Variants in RBFOX3 observed in about 807,000 individuals in gnomAD.
The protein encoded by RBFOX3 is RNA binding fox-1 homolog 3.
Under a neutral mutation model 48.7 loss-of-function variants are expected in RBFOX3, and 17 were observed. The ratio of observed to expected loss-of-function variants is 0.35; its 90% CI spans 0.24 to 0.52. The LOEUF (loss-of-function observed/expected upper bound fraction) is 0.52. Ranked by LOEUF, RBFOX3 falls within the 20% of genes least tolerant of loss-of-function variation. The pLI, the probability that RBFOX3 is intolerant of heterozygous loss-of-function variation, is 0.94. For missense variants in RBFOX3, 382 were observed against 497.5 expected (o/e 0.77, Z 2.21); for synonymous variants, 212 against 209.5 (o/e 1.01, Z -0.10).
chr17:79,542,226 C>T (rs1555790564), intron 1 of RBFOX3, among the ~76,000 whole-genome samples: 1 of 152,128 alleles, frequency 6.6e-6, no homozygotes, highest in Non-Finnish European at 1.5e-5. Context: ...GGGGCAGACT[C>T]GAATTCAGAC....
chr17:79,331,451 CA>C (rs1304024446), intron 2 of RBFOX3, among the ~76,000 whole-genome samples: 3 of 152,328 alleles, frequency 2.0e-5, no homozygotes, highest in Non-Finnish European at 4.4e-5. Flanking sequence ...AGACCCACCC[CA>C]AGCTGAACCT....
At chr17:79,193,756 G>A (rs890420665) in intron 4 of RBFOX3, among the ~76,000 whole-genome samples, 9 of 152,224 alleles carry the variant, frequency 5.9e-5, no homozygotes, top group African/African-American at 2.2e-4. Flanking sequence ...AAATGCTGTG[G>A]AGAGGGTCAA....
chr17:79,311,848 G>A lies in RBFOX3; in HGVS notation c.-174-4024C>T, dbSNP rs1056235934. ...GCCCAAAGCCTCATGTCTGCTTGGG[G>A]GCAAGGACAGCATTCTCACGAACCT... On this transcript the variant is annotated intron_variant, in intron 2 of 14. Coordinates refer to ENST00000693108, the MANE Select transcript of RBFOX3 (RefSeq NM_001350451.2). The surrounding 1 kb of genome is among the most constrained non-coding windows in gnomAD (Gnocchi z 4.2). Among the ~76,000 whole-genome samples, 3 of 152,076 alleles carry A rather than the reference G, an allele frequency of 2.0e-5. No homozygotes were observed. The highest frequency in any genetic ancestry group is 7.2e-5 in the African/African-American group (3 of 41,408).
chr17:79,592,587 G>C (rs1033024038), intron 1 of RBFOX3, among the ~76,000 whole-genome samples: 28 of 152,164 alleles, frequency 1.8e-4, no homozygotes, highest in African/African-American at 5.5e-4. Flanking sequence ...CCCTGGGAAG[G>C]CTGGGGCAGG....
chr17:79,339,550 C>T (rs989180577), intron 2 of RBFOX3, among the ~76,000 whole-genome samples: 10 of 152,204 alleles, frequency 6.6e-5, no homozygotes, highest in African/African-American at 1.4e-4. Context: ...TTCCTTAAAA[C>T]ACAGACTGCT....
At chr17:79,496,678 C>G (rs2081584787) in intron 1 of RBFOX3, among the ~76,000 whole-genome samples, 1 of 152,126 alleles carries the variant, frequency 6.6e-6, no homozygotes, top group Non-Finnish European at 1.5e-5. Flanking sequence ...CAACAGCATA[C>G]AGAATTTCCT....
At chr17:79,200,804 C>A (rs979445085) in intron 4 of RBFOX3, among the ~76,000 whole-genome samples, 1 of 152,086 alleles carries the variant, frequency 6.6e-6, no homozygotes, top group African/African-American at 2.4e-5. Flanking sequence ...GACCCCTGGT[C>A]CCCCCTACCT....
Position 79,089,590 on chromosome 17 carries a change from T to C in RBFOX3, c.*1293A>G, listed in dbSNP as rs926108623. The stretch of plus-strand genomic sequence containing the variant: ...GGCGTGGGGCTATGTACAACGGGAA[T>C]AGAAAAGGAGAATTCCATTTCAATA... On this transcript the variant is annotated 3_prime_UTR_variant, in exon 15 of 15. Coordinates refer to ENST00000693108, the MANE Select transcript of RBFOX3 (RefSeq NM_001350451.2). The C allele has an allele frequency of 1.3e-5, 2 of 152,552 alleles. No homozygotes were observed. Among genetic ancestry groups the C allele is most frequent in the Admixed American group, 1.3e-4 (2 of 15,282 alleles). 9.4% of individuals were successfully genotyped at this position (152,552 alleles called of 1,614,324 possible). A position where few individuals can be genotyped will look rare whatever the true frequency, so the allele number is the denominator to read the frequency against.
intron 1 of RBFOX3, among the ~76,000 whole-genome samples, chr17:79,594,381 C>T (rs1184096506): frequency 6.6e-6 from 1 of 152,128 alleles, no homozygotes; most frequent in African/African-American, 2.4e-5. Flanking sequence ...CTGGAGGCAC[C>T]CAGGCCATAG....
chr17:79,607,549 G>A (rs2093861621), intron 1 of RBFOX3, among the ~76,000 whole-genome samples: 3 of 152,204 alleles, frequency 2.0e-5, no homozygotes, highest in African/African-American at 2.4e-5. Context: ...GCGCTTCTGG[G>A]AGGGATAGGA....
rs1401611350 is a variant in RBFOX3 at position 79,421,967 on chromosome 17, G to C, written c.-175+60487C>G. On this transcript the variant is annotated intron_variant, in intron 2 of 14. Coordinates refer to ENST00000693108, the MANE Select transcript of RBFOX3 (RefSeq NM_001350451.2). The surrounding 1 kb of genome is among the most constrained non-coding windows in gnomAD (Gnocchi z 4.5). ...AGCAGCTCCCAACAGAATTCTAGGT[G>C]CTGCCCGGACGAGATGAGGAGGGGG... Among the ~76,000 whole-genome samples the C allele has an allele frequency of 1.3e-5, 2 of 152,106 alleles. No individual in the cohort carries two copies. The highest frequency in any genetic ancestry group is 2.4e-5 in the African/African-American group (1 of 41,418).
chr17:79,600,948 G>A (rs1373494401), intron 1 of RBFOX3: 1 of 152,502 alleles, frequency 6.6e-6, no homozygotes, highest in Non-Finnish European at 1.5e-5. Context: ...GGAGGGGAGT[G>A]AGGAAGGGGA....
At chr17:79,658,412 G>A in the RBFOX3 span, among the ~76,000 whole-genome samples, 2 of 41,772 alleles carry the variant, frequency 4.8e-5, no homozygotes, top group South Asian at 1.2e-3. Context: ...CCTCTCTCCC[G>A]CCATCTCTCT....
chr17:79,282,516 T>A (rs1284603947), intron 3 of RBFOX3, among the ~76,000 whole-genome samples: 2 of 146,842 alleles, frequency 1.4e-5, no homozygotes, highest in Non-Finnish European at 3.0e-5. Flanking sequence ...TTTATTTAGC[T>A]GGAAGCCTGG....
intron 2 of RBFOX3, among the ~76,000 whole-genome samples, chr17:79,371,963 G>A (rs1031195535): frequency 6.6e-6 from 1 of 152,122 alleles, no homozygotes; most frequent in Admixed American, 6.5e-5. Flanking sequence ...GAGGTGCAGA[G>A]CAACCACAGC....
the RBFOX3 span, among the ~76,000 whole-genome samples, chr17:79,633,079 G>C: frequency 6.6e-6 from 1 of 152,260 alleles, no homozygotes; most frequent in African/African-American, 2.4e-5. Flanking sequence ...TCCTCAAGGA[G>C]AGTTTCTCCT....
intron 4 of RBFOX3, among the ~76,000 whole-genome samples, chr17:79,115,966 C>A (rs1211278447): frequency 1.3e-5 from 2 of 152,144 alleles, no homozygotes; most frequent in East Asian, 3.9e-4. Flanking sequence ...GAGTCAGACA[C>A]CCCTGGAGTT....
chr17:79,577,707 C>T (rs2092910918), intron 1 of RBFOX3, among the ~76,000 whole-genome samples: 1 of 152,204 alleles, frequency 6.6e-6, no homozygotes, highest in Non-Finnish European at 1.5e-5. Flanking sequence ...TCAGAATTGG[C>T]TCCAGCTCCC....
intron 1 of RBFOX3, among the ~76,000 whole-genome samples, chr17:79,567,342 C>T (rs1208188760): frequency 2.6e-5 from 4 of 151,940 alleles, no homozygotes; most frequent in Non-Finnish European, 4.4e-5. Context: ...CACCACTATG[C>T]CCAGCTAATT....
Sources: gnomAD v4.1 joint callset for allele counts (sites outside exome capture counted in the v4.1 genomes callset) on GRCh38, gnomAD v4.1.1 for gene constraint, Gnocchi (gnomAD v3.1) non-coding constraint, MANE v1.5 for transcripts, NCBI Gene and HGNC (gene_info 2026-07-23, HGNC 2026-07-21) for gene names.